The following BTBD9 variants were observed in gnomAD, a reference collection of about 807,000 sequenced individuals.
BTBD9 encodes the protein BTB/POZ domain-containing protein 9.
A neutral mutation model predicts 64.3 loss-of-function variants in BTBD9; 49 were observed. That is an observed-to-expected ratio of 0.76 (90% CI 0.61 to 0.97). BTBD9 has a LOEUF of 0.97. BTBD9 is among the 50% of genes least tolerant of loss of function. BTBD9 has a pLI of 0.00. For missense variants in BTBD9, 598 were observed against 762.1 expected (o/e 0.78, Z 2.53); for synonymous variants, 260 against 274.7 (o/e 0.95, Z 0.53).
chr6:38,621,098 G>A (rs1179759700), intron 1 of BTBD9, among the ~76,000 whole-genome samples: 1 of 152,192 alleles, frequency 6.6e-6, no homozygotes, highest in African/African-American at 2.4e-5. Context: ...TGGCCTCACT[G>A]TTTACAGGTA....
intron 7 of BTBD9, among the ~76,000 whole-genome samples, chr6:38,320,132 C>T (rs1763175891): frequency 6.6e-6 from 1 of 152,186 alleles, no homozygotes; most frequent in Admixed American, 6.5e-5. Flanking sequence ...TCTCTCCATG[C>T]CGTGTGGCTA....
chr6:38,424,816 C>T (rs776183351), intron 6 of BTBD9, among the ~76,000 whole-genome samples: 2 of 151,382 alleles, frequency 1.3e-5, no homozygotes, highest in Admixed American at 6.6e-5. Flanking sequence ...CACACCCAGC[C>T]TATTTATCTT....
chr6:38,480,586 T>A (rs1462873236), intron 6 of BTBD9, among the ~76,000 whole-genome samples: 1 of 152,160 alleles, frequency 6.6e-6, no homozygotes, highest in African/African-American at 2.4e-5. Context: ...ACTACCTCCA[T>A]GCAAAGTAGT....
intron 6 of BTBD9, chr6:38,504,416 C>T (rs755017637): frequency 5.2e-5 from 19 of 368,650 alleles, no homozygotes; most frequent in Middle Eastern, 7.4e-4. Flanking sequence ...AAATTATGGG[C>T]ATCTATAATT....
At position 38,258,150 on chromosome 6, in the gene BTBD9, T is replaced by A. The variant is rs183067540; in HGVS notation, c.1455-1634A>T. The stretch of plus-strand genomic sequence containing the variant: ...ACAGGCATCTGCCACCATGCCCAGC[T>A]AATTTTTGTAGTTTTAGTAGAGATG... On this transcript the variant is annotated intron_variant, in intron 8 of 10. Coordinates refer to ENST00000481247, the MANE Select transcript of BTBD9 (RefSeq NM_001099272.2). Among the ~76,000 whole-genome samples, 288 of 152,062 alleles carry A rather than the reference T, an allele frequency of 1.9e-3. 2 individuals are homozygous for A. The highest frequency in any genetic ancestry group is 6.7e-3 in the African/African-American group (279 of 41,460).
At chr6:38,574,539 A>G (rs1282568022) in intron 6 of BTBD9, among the ~76,000 whole-genome samples, 1 of 152,172 alleles carries the variant, frequency 6.6e-6, no homozygotes, top group Non-Finnish European at 1.5e-5. Flanking sequence ...CTCTCTCTGA[A>G]GGTCAACCAC....
chr6:38,217,318 CAAAAAAAAAAA>C (rs3047754), intron 9 of BTBD9, among the ~76,000 whole-genome samples: 7,042 of 69,904 alleles, frequency 0.1, 303 homozygotes, highest in Middle Eastern at 0.14. Flanking sequence ...GACTCCATCT[CAAAAAAAAAAA>C]AAAAAAAAAA....
intron 7 of BTBD9, among the ~76,000 whole-genome samples, chr6:38,290,118 C>A (rs1761901516): frequency 7.7e-6 from 1 of 129,610 alleles, no homozygotes; most frequent in South Asian, 2.6e-4. Flanking sequence ...TCACTAATTG[C>A]TTTGCTCTCT....
At chr6:38,633,525 C>G (rs1255374969) in intron 1 of BTBD9, among the ~76,000 whole-genome samples, 1 of 152,146 alleles carries the variant, frequency 6.6e-6, no homozygotes, top group Non-Finnish European at 1.5e-5. Flanking sequence ...CTTCCCAAAT[C>G]AAGAAAATAG....
intron 7 of BTBD9, among the ~76,000 whole-genome samples, chr6:38,341,288 G>A (rs981349751): frequency 6.6e-6 from 1 of 152,124 alleles, no homozygotes; most frequent in African/African-American, 2.4e-5. Context: ...TCAGTTTTAG[G>A]GTAGTATGAC....
chr6:38,221,174 G>A (rs939365558), intron 9 of BTBD9, among the ~76,000 whole-genome samples: 2 of 151,954 alleles, frequency 1.3e-5, no homozygotes, highest in Non-Finnish European at 2.9e-5. Context: ...TATTTATCTC[G>A]CCACTCTGTT....
chr6:38,372,973 T>C (rs960260120), intron 6 of BTBD9, among the ~76,000 whole-genome samples: 3 of 152,160 alleles, frequency 2.0e-5, no homozygotes, highest in Non-Finnish European at 4.4e-5. Context: ...CAAGCATGCA[T>C]TTCCTTTTTT....
rs1191292898 is a variant in BTBD9, at chr6:38,272,511, A to C, written c.1454+15761T>G. 2.0e-5 allele frequency among the ~76,000 whole-genome samples: 3 copies of C among 152,218 alleles called. No individual in the cohort carries two copies. In the East Asian group the frequency reaches 5.8e-4, roughly 29 times the overall value. On this transcript the variant is annotated intron_variant, in intron 8 of 10. Coordinates refer to ENST00000481247, the MANE Select transcript of BTBD9 (RefSeq NM_001099272.2). Reference sequence around the variant, plus strand: ...CAGAACTACTCATTTAGACTCTTTAATGAAACCAATTTTAAATGGATGACT... The same window carrying C: ...CAGAACTACTCATTTAGACTCTTTACTGAAACCAATTTTAAATGGATGACT...
rs147484883 is a variant in BTBD9 at position 38,533,723 on chromosome 6, A to G, written c.1154+43877T>C. ...GATCACAATGGAATAAAACAAATCA[A>G]TAACAAAAGGAATTCTGAAAACTAC... On this transcript the variant is annotated intron_variant, in intron 6 of 10. Coordinates refer to ENST00000481247, the MANE Select transcript of BTBD9 (RefSeq NM_001099272.2). Among the ~76,000 whole-genome samples, 69 of 152,322 alleles carry G rather than the reference A, an allele frequency of 4.5e-4. 3 individuals carry two copies. The East Asian group carries it at 0.013, about 28-fold the overall frequency.
chr6:38,466,523 C>T (rs1297301195), intron 6 of BTBD9, among the ~76,000 whole-genome samples: 2 of 151,922 alleles, frequency 1.3e-5, no homozygotes, highest in Non-Finnish European at 2.9e-5. Flanking sequence ...AAACTCCTGA[C>T]CTCAGGTGAT....
At chr6:38,254,924 GAATT>G (rs1469200323) in intron 9 of BTBD9, among the ~76,000 whole-genome samples, 7 of 152,096 alleles carry the variant, frequency 4.6e-5, no homozygotes, top group African/African-American at 1.7e-4. Context: ...ATACCCAAAG[GAATT>G]GAAAATATAT....
intron 6 of BTBD9, among the ~76,000 whole-genome samples, chr6:38,576,684 G>A (rs1215384973): frequency 6.6e-6 from 1 of 152,106 alleles, no homozygotes; most frequent in East Asian, 1.9e-4. Context: ...TCTCCATGGT[G>A]TACACTCACC....
In BTBD9 at chr6:38,184,173, G is replaced by A. The variant is rs956360039; in HGVS notation, c.1641+8346C>T. On this transcript the variant is annotated intron_variant, in intron 10 of 10. Coordinates refer to ENST00000481247, the MANE Select transcript of BTBD9 (RefSeq NM_001099272.2). This position sits in a 1 kb window ranked among gnomAD's most constrained non-coding sequence, Gnocchi z 4.4. ...TGTGGATGGACGCTCGTGGTATCCC[G>A]TTGGGTTCAGGATGAACAAGGCTGC... Among the ~76,000 whole-genome samples, 5 of 152,238 alleles carry A rather than the reference G, an allele frequency of 3.3e-5. No individual in the cohort carries two copies. Among genetic ancestry groups the A allele is most frequent in the Non-Finnish European group, 5.9e-5 (4 of 68,006 alleles).
chr6:38,528,547 G>A (rs76965577), intron 6 of BTBD9, among the ~76,000 whole-genome samples: 301 of 152,304 alleles, frequency 2.0e-3, no homozygotes, highest in African/African-American at 6.6e-3. Context: ...GAGGAGAGGA[G>A]AAGGAAGAGT....
Sources: allele counts gnomAD v4.1 joint callset (sites outside exome capture counted in the v4.1 genomes callset), GRCh38; gene constraint gnomAD v4.1.1; non-coding constraint Gnocchi (gnomAD v3.1); transcripts MANE v1.5; gene names NCBI Gene and HGNC (gene_info 2026-07-23, HGNC 2026-07-21).